The following LRRTM3 variants were observed in gnomAD, a reference collection of about 807,000 sequenced individuals.
LRRTM3 encodes leucine-rich repeat transmembrane neuronal protein 3.
Under a neutral mutation model 44.7 loss-of-function variants are expected in LRRTM3, and 24 were observed. That is an observed-to-expected ratio of 0.54 (90% CI 0.39 to 0.76). The LOEUF is 0.76. Among genes scored for constraint, LRRTM3 ranks in the 30% least tolerant of loss-of-function variants. LRRTM3 has a pLI of 0.00. For synonymous variants in LRRTM3, 277 were observed against 278.7 expected (o/e 0.99, Z 0.06); for missense variants, 587 against 702.2 (o/e 0.84, Z 1.85).
At chr10:67,027,501 C>T (rs1853465766) in intron 2 of LRRTM3, among the ~76,000 whole-genome samples, 1 of 138,630 alleles carries the variant, frequency 7.2e-6, no homozygotes, top group Admixed American at 7.9e-5. Flanking sequence ...GTGGTGTGAT[C>T]TCGGCTCACT....
chr10:67,043,084 G>A (rs575886512), intron 2 of LRRTM3, among the ~76,000 whole-genome samples: 1 of 151,868 alleles, frequency 6.6e-6, no homozygotes, highest in Non-Finnish European at 1.5e-5. Flanking sequence ...TTACCTGCAG[G>A]TGTGAGGGCT....
intron 2 of LRRTM3, among the ~76,000 whole-genome samples, chr10:67,036,608 T>C (rs1378490732): frequency 6.6e-6 from 1 of 152,112 alleles, no homozygotes; most frequent in East Asian, 1.9e-4. Flanking sequence ...TAAGCTCAAG[T>C]GATCATTTCA....
intron 2 of LRRTM3, among the ~76,000 whole-genome samples, chr10:66,995,618 TA>T (rs1851284198): frequency 6.6e-6 from 1 of 152,214 alleles, no homozygotes; most frequent in Non-Finnish European, 1.5e-5. Context: ...TACATCTCTA[TA>T]TTTTTTTATT....
At chr10:67,030,156 GCAC>G (rs1196769718) in intron 2 of LRRTM3, among the ~76,000 whole-genome samples, 1 of 152,168 alleles carries the variant, frequency 6.6e-6, no homozygotes, top group Non-Finnish European at 1.5e-5. Flanking sequence ...TTGTGCTAAA[GCAC>G]CAGTTGGATG....
chr10:66,999,705 C>T (rs1394952483), intron 2 of LRRTM3, among the ~76,000 whole-genome samples: 2 of 152,180 alleles, frequency 1.3e-5, no homozygotes, highest in South Asian at 2.1e-4. Context: ...GAATAATGTA[C>T]ATTTCATAAG....
chr10:66,948,471 A>G (rs904912859), intron 2 of LRRTM3, among the ~76,000 whole-genome samples: 2 of 152,352 alleles, frequency 1.3e-5, no homozygotes, highest in Admixed American at 6.5e-5. Context: ...TACATGTGTT[A>G]TGTGACACTT....
intron 2 of LRRTM3, among the ~76,000 whole-genome samples, chr10:66,946,927 G>A (rs1281417242): frequency 3.9e-5 from 6 of 151,998 alleles, no homozygotes; most frequent in East Asian, 1.9e-4. Flanking sequence ...TTTTCTTGGC[G>A]CTGGTAAATC....
At chr10:67,095,942 T>C (rs918401201) in intron 2 of LRRTM3, among the ~76,000 whole-genome samples, 1 of 151,908 alleles carries the variant, frequency 6.6e-6, no homozygotes, top group African/African-American at 2.4e-5. Flanking sequence ...TAAATGGAAG[T>C]ATCCTATTTT....
At chr10:67,082,440 A>G (rs1265066969) in intron 2 of LRRTM3, among the ~76,000 whole-genome samples, 6 of 152,192 alleles carry the variant, frequency 3.9e-5, no homozygotes, top group Non-Finnish European at 5.9e-5. Flanking sequence ...CACTCCTGGC[A>G]TAAGTTTAAA....
Position 66,976,746 on chromosome 10 carries a change from A to C in LRRTM3, c.1536+48294A>C, listed in dbSNP as rs75329411. 5.6e-3 allele frequency among the ~76,000 whole-genome samples: 847 copies of C among 152,244 alleles called. 11 individuals carry two copies. The highest frequency in any genetic ancestry group is 0.019 in the African/African-American group (802 of 41,534). ...TCTCTGAACTTAGTGCTGTTTTCTC[A>C]TTATTCATTTCATCTAGAGTAAGTC... On this transcript the variant is annotated intron_variant, in intron 2 of 2. Transcript: ENST00000361320.
intron 2 of LRRTM3, among the ~76,000 whole-genome samples, chr10:67,017,249 T>C (rs767795732): frequency 4.6e-5 from 7 of 152,196 alleles, no homozygotes; most frequent in Non-Finnish European, 7.3e-5. Flanking sequence ...AAAACATTAC[T>C]GAAATTGCCA....
intron 2 of LRRTM3, among the ~76,000 whole-genome samples, chr10:66,935,721 A>C (rs1364258247): frequency 6.6e-6 from 1 of 151,146 alleles, no homozygotes; most frequent in Non-Finnish European, 1.5e-5. Flanking sequence ...TGTACCAGGA[A>C]TTTGTATATA....
intron 2 of LRRTM3, among the ~76,000 whole-genome samples, chr10:66,930,213 T>G (rs1306113910): frequency 2.0e-5 from 3 of 152,220 alleles, no homozygotes; most frequent in African/African-American, 7.2e-5. Context: ...CAAGGTACTT[T>G]GATATTGATT....
At chr10:66,999,809 T>G (rs550495925) in intron 2 of LRRTM3, among the ~76,000 whole-genome samples, 350 of 152,298 alleles carry the variant, frequency 2.3e-3, no homozygotes, top group African/African-American at 7.7e-3. Context: ...GACCATCAAT[T>G]TTTCTGATTT....
chr10:67,071,942 T>C (rs932613747), intron 2 of LRRTM3, among the ~76,000 whole-genome samples: 1 of 152,166 alleles, frequency 6.6e-6, no homozygotes, highest in Non-Finnish European at 1.5e-5. Flanking sequence ...GAATATGTGT[T>C]TGATTATTAT....
rs141303935 is a variant in LRRTM3 at position 66,957,681 on chromosome 10, C to T, written c.1536+29229C>T. Among the ~76,000 whole-genome samples the T allele has an allele frequency of 1.2e-4, 18 of 151,670 alleles. No individual in the cohort carries two copies. In the South Asian group the frequency reaches 1.7e-3, roughly 14 times the overall value. On this transcript the variant is annotated intron_variant, in intron 2 of 2. Coordinates refer to ENST00000361320, the MANE Select transcript of LRRTM3 (RefSeq NM_178011.5). ...AGCAAACCTTTGCAAAAATGTAGGC[C>T]GACTTAGGGGGAGCTGGCAAGGATG...
chr10:66,926,318 G>T lies in LRRTM3; in HGVS notation c.-266G>T, dbSNP rs1015249854. 1 of 544,572 alleles carries T rather than the reference G, an allele frequency of 1.8e-6. No homozygotes were observed. 33.7% of individuals were successfully genotyped at this position (544,572 alleles called of 1,614,324 possible). A position where few individuals can be genotyped will look rare whatever the true frequency, so the allele number is the denominator to read the frequency against. ...CAAAAAACTGTAAAGATGCAAAAAC[G>T]TAATATCCATGAAGATCCTATTACC... is the stretch of plus-strand genomic sequence containing the variant. On this transcript the variant is annotated 5_prime_UTR_variant, in exon 1 of 3. Coordinates refer to ENST00000361320, the MANE Select transcript of LRRTM3 (RefSeq NM_178011.5).
At chr10:66,996,504 C>T (rs924536019) in intron 2 of LRRTM3, among the ~76,000 whole-genome samples, 1 of 151,702 alleles carries the variant, frequency 6.6e-6, no homozygotes, top group Non-Finnish European at 1.5e-5. Flanking sequence ...AGAAACTAGC[C>T]GGGCGTGGTG....
At chr10:66,995,173 T>C (rs1231271756) in intron 2 of LRRTM3, among the ~76,000 whole-genome samples, 1 of 152,166 alleles carries the variant, frequency 6.6e-6, no homozygotes, top group Non-Finnish European at 1.5e-5. Flanking sequence ...ACATAACCCA[T>C]GATTTCCATA....
Sources: allele counts gnomAD v4.1 joint callset (sites outside exome capture counted in the v4.1 genomes callset), GRCh38; gene constraint gnomAD v4.1.1; transcripts MANE v1.5; gene names NCBI Gene and HGNC (gene_info 2026-07-23, HGNC 2026-07-21).